TBCK: variants seen among roughly 807,000 people sequenced by gnomAD.
TBCK encodes TBC1 domain containing kinase, also known as TBC domain-containing protein kinase-like protein.
A neutral mutation model predicts 113.4 loss-of-function variants in TBCK; 99 were observed. That is an observed-to-expected ratio of 0.87 (90% CI 0.74 to 1.03). The LOEUF (loss-of-function observed/expected upper bound fraction) is 1.03. Ranked by LOEUF, TBCK falls within the 50% of genes least tolerant of loss-of-function variation. TBCK has a pLI of 0.00. For missense variants in TBCK, 1,045 were observed against 1,061.3 expected (o/e 0.98, Z 0.21); for synonymous variants, 369 against 370.8 (o/e 1.00, Z 0.05).
intron 22 of TBCK, among the ~76,000 whole-genome samples, chr4:106,186,840 A>T (rs1753078068): frequency 6.6e-6 from 1 of 152,044 alleles, no homozygotes; most frequent in African/African-American, 2.4e-5. Context: ...GGTGTTTCCT[A>T]AGTTTTCTTC....
chr4:106,180,834 A>T (rs1365556834), intron 22 of TBCK, among the ~76,000 whole-genome samples: 1 of 152,186 alleles, frequency 6.6e-6, no homozygotes, highest in East Asian at 1.9e-4. Flanking sequence ...TAGTGCCACA[A>T]TAAACGTATG....
chr4:106,055,065 C>T (rs1373977539), intron 25 of TBCK, among the ~76,000 whole-genome samples: 1 of 151,540 alleles, frequency 6.6e-6, no homozygotes. Flanking sequence ...CCATGATAGA[C>T]AATATCCTCA....
chr4:106,119,528 A>T (rs1578954164), intron 23 of TBCK, among the ~76,000 whole-genome samples: 1 of 152,210 alleles, frequency 6.6e-6, no homozygotes, highest in Admixed American at 6.5e-5. Context: ...TGAATTAAAG[A>T]CTTGAATATA....
At chr4:106,290,143 A>G (rs1330201817) in intron 3 of TBCK, among the ~76,000 whole-genome samples, 1 of 152,136 alleles carries the variant, frequency 6.6e-6, no homozygotes, top group Non-Finnish European at 1.5e-5. Flanking sequence ...GAGACTGTAA[A>G]TTTGAACTAG....
intron 20 of TBCK, among the ~76,000 whole-genome samples, chr4:106,197,409 G>GTATATATA (rs750387268): frequency 2.6e-5 from 2 of 77,054 alleles, no homozygotes; most frequent in Non-Finnish European, 6.8e-5. Flanking sequence ...GTGTGTGTGT[G>GTATATATA]TGTATATATA....
chr4:106,282,109 G>A (rs909432314), intron 3 of TBCK, among the ~76,000 whole-genome samples: 1 of 151,938 alleles, frequency 6.6e-6, no homozygotes, highest in Admixed American at 6.6e-5. Context: ...TCAGGTTTTG[G>A]ATTTTTTTCA....
At chr4:106,264,036 T>G (rs1220182620) in intron 3 of TBCK, among the ~76,000 whole-genome samples, 1 of 151,998 alleles carries the variant, frequency 6.6e-6, no homozygotes, top group East Asian at 1.9e-4. Flanking sequence ...GACTTTTACT[T>G]AATATAACTA....
intron 3 of TBCK, among the ~76,000 whole-genome samples, chr4:106,266,806 C>T (rs1048779322): frequency 6.6e-6 from 1 of 151,740 alleles, no homozygotes; most frequent in Non-Finnish European, 1.5e-5. Flanking sequence ...TCAGTATTTG[C>T]AGAATTTTAT....
Position 106,212,772 on chromosome 4 carries a change from T to G in TBCK, c.1838A>C (p.Asn613Thr). The change falls in exon 20 of 26, where the codon AAT (asparagine) becomes ACT (threonine). Residue 613 changes from asparagine (N) to threonine (T), a missense_variant. Physicochemically the swap from Asn to Thr is moderately conservative, Grantham distance 65. Coordinates refer to ENST00000394708, the MANE Select transcript of TBCK (RefSeq NM_001163435.3). ...FHDPELSNHLNEIGFIPDLYA... is the reference protein window; with the variant it reads ...FHDPELSNHLTEIGFIPDLYA... ...TACATCTGGAATGAAACCAATCTCA[T>G]TGAGATGATTACTCAGCTCTGGATC... 6.2e-7 allele frequency: 1 copy of G among 1,611,608 alleles called. No homozygotes were observed. Among genetic ancestry groups the G allele is most frequent in the Non-Finnish European group, 8.5e-7 (1 of 1,178,444 alleles).
At chr4:106,278,927 C>CA (rs373870772) in intron 3 of TBCK, among the ~76,000 whole-genome samples, 86 of 151,590 alleles carry the variant, frequency 5.7e-4, no homozygotes, top group African/African-American at 1.7e-3. Context: ...AATGAAACAA[C>CA]AAAAAAAACC....
chr4:106,297,502 A>G (rs1233056403), intron 2 of TBCK, among the ~76,000 whole-genome samples: 1 of 152,006 alleles, frequency 6.6e-6, no homozygotes, highest in African/African-American at 2.4e-5. Context: ...GCATCATCTC[A>G]TTAGATAACT....
Position 106,295,186 on chromosome 4 carries a change from C to T in TBCK, c.194-20G>A, listed in dbSNP as rs530629690. ...GTCGTTCTGAGAAAAACAAAGCAAA[C>T]CCATGTTATATTTTATCAATACAAC... On this transcript the variant is annotated intron_variant, in intron 2 of 25. Coordinates refer to ENST00000394708, the MANE Select transcript of TBCK (RefSeq NM_001163435.3). 2.5e-6 allele frequency: 4 copies of T among 1,607,232 alleles called. No homozygotes were observed. The African/African-American group carries it at 5.4e-5, about 22-fold the overall frequency.
At chr4:106,070,107 C>T (rs983035163) in intron 25 of TBCK, among the ~76,000 whole-genome samples, 1 of 152,096 alleles carries the variant, frequency 6.6e-6, no homozygotes, top group Non-Finnish European at 1.5e-5. Context: ...TTGACTTCCT[C>T]TTTTCCTAAT....
intron 19 of TBCK, among the ~76,000 whole-genome samples, chr4:106,229,075 CT>C: frequency 6.6e-6 from 1 of 152,032 alleles, no homozygotes; most frequent in Non-Finnish European, 1.5e-5. Flanking sequence ...ATCTTTTGCC[CT>C]TTTTAAAATC....
At chr4:106,237,060 T>C (rs1759558845) in intron 12 of TBCK, among the ~76,000 whole-genome samples, 1 of 151,974 alleles carries the variant, frequency 6.6e-6, no homozygotes, top group South Asian at 2.1e-4. Flanking sequence ...TAGACACTTA[T>C]CATGATATAT....
At chr4:106,095,460 T>C (rs1277527414) in intron 25 of TBCK, 22 bp downstream of exon 25, 4 of 1,607,908 alleles carry the variant, frequency 2.5e-6, no homozygotes, top group South Asian at 2.2e-5. Flanking sequence ...TATGTACATA[T>C]GACATTTCTG....
At chr4:106,092,920 G>C (rs1450132579) in intron 25 of TBCK, among the ~76,000 whole-genome samples, 1 of 152,108 alleles carries the variant, frequency 6.6e-6, no homozygotes, top group African/African-American at 2.4e-5. Flanking sequence ...GAGTGAGCGA[G>C]GGCTGCAAGG....
At chr4:106,248,395 G>C (rs1761069784) in intron 8 of TBCK, 89 bp from the exon 9 acceptor site, 8 of 991,418 alleles carry the variant, frequency 8.1e-6, no homozygotes, top group Non-Finnish European at 1.1e-5. Flanking sequence ...AGAAGTTTTT[G>C]ATGTTTTTAA....
In TBCK at chr4:106,250,855, C is replaced by T. The variant is rs140555358; in HGVS notation, c.598-377G>A. On this transcript the variant is annotated intron_variant, in intron 6 of 25. Coordinates refer to ENST00000394708, the MANE Select transcript of TBCK (RefSeq NM_001163435.3). ...AGACTGATTATACTCTTTCGCCTAC[C>T]GAGCTAATTCTTACTTAAATATCAT... is the stretch of plus-strand genomic sequence containing the variant. Among the ~76,000 whole-genome samples, 121 of 151,906 alleles carry T rather than the reference C, an allele frequency of 8.0e-4. 2 individuals are homozygous for T. In the East Asian group the frequency reaches 0.017, roughly 21 times the overall value.
Sources: allele counts gnomAD v4.1 joint callset (sites outside exome capture counted in the v4.1 genomes callset), GRCh38; gene constraint gnomAD v4.1.1; transcripts MANE v1.5; gene names NCBI Gene and HGNC (gene_info 2026-07-23, HGNC 2026-07-21).